The following PIP4K2A variants were observed in gnomAD, a reference collection of about 807,000 sequenced individuals.
PIP4K2A encodes phosphatidylinositol-5-phosphate 4-kinase type 2 alpha, also known as phosphatidylinositol 5-phosphate 4-kinase type-2 alpha.
PIP4K2A carries 14 observed loss-of-function variants against 42.9 expected under a neutral mutation model. The ratio of observed to expected loss-of-function variants is 0.33; its 90% CI spans 0.22 to 0.51. PIP4K2A has a LOEUF of 0.51. PIP4K2A is among the 20% of genes least tolerant of loss of function. PIP4K2A has a pLI of 0.97. For synonymous variants in PIP4K2A, 192 were observed against 192.2 expected, an observed-to-expected ratio of 1.00 and a Z score of 0.01; for missense variants, 434 against 519.8, an observed-to-expected ratio of 0.83 and a Z score of 1.61.
At position 22,539,160 on chromosome 10, in the gene PIP4K2A, G is replaced by T. The variant is rs188464834; in HGVS notation, c.1140+811C>A. ...GCCAGGCAGGAGGTGTTTGCAGGCA[G>T]GGCAAGGGGATGAGCATGAACACAG... On this transcript the variant is annotated intron_variant, in intron 9 of 9. Transcript: ENST00000376573. Among the ~76,000 whole-genome samples, 8 of 152,298 alleles carry T rather than the reference G, an allele frequency of 5.3e-5. No individual in the cohort carries two copies. The East Asian group carries it at 1.5e-3, about 29-fold the overall frequency.
At chr10:22,626,518 C>T (rs1438835514) in intron 1 of PIP4K2A, among the ~76,000 whole-genome samples, 2 of 152,188 alleles carry the variant, frequency 1.3e-5, no homozygotes, top group African/African-American at 4.8e-5. Context: ...ACATAATTTT[C>T]TTTTGTGCCT....
At chr10:22,577,145 A>G (rs1253038615) in intron 4 of PIP4K2A, among the ~76,000 whole-genome samples, 2 of 151,638 alleles carry the variant, frequency 1.3e-5, no homozygotes, top group Non-Finnish European at 1.5e-5. Context: ...CATCCATCAT[A>G]TGCCTGGTAC....
chr10:22,712,581 A>G lies in PIP4K2A; in HGVS notation c.144+1602T>C, dbSNP rs111849763. 3.3e-5 allele frequency among the ~76,000 whole-genome samples: 5 copies of G among 152,274 alleles called. 1 individual carries two copies. The highest frequency in any genetic ancestry group is 1.2e-4 in the African/African-American group (5 of 41,538). ...AAAGAGCTTAACAAAATTATACATA[A>G]CTCTACATTGTAAACTTATTACTTA... On this transcript the variant is annotated intron_variant, in intron 1 of 9. Transcript: ENST00000376573.
At chr10:22,686,950 C>T (rs144841333) in intron 1 of PIP4K2A, among the ~76,000 whole-genome samples, 6 of 152,260 alleles carry the variant, frequency 3.9e-5, no homozygotes, top group South Asian at 2.1e-4. Context: ...AGCTGAAGAA[C>T]GCGCACATTC....
intron 1 of PIP4K2A, among the ~76,000 whole-genome samples, chr10:22,622,145 G>A (rs542004561): frequency 2.8e-4 from 42 of 152,300 alleles, no homozygotes; most frequent in African/African-American, 9.4e-4. Flanking sequence ...AATAGAAAAC[G>A]AGAAATGTCA....
intron 1 of PIP4K2A, among the ~76,000 whole-genome samples, chr10:22,671,185 C>A (rs1463348602): frequency 6.6e-6 from 1 of 152,124 alleles, no homozygotes; most frequent in African/African-American, 2.4e-5. Context: ...TATACACACA[C>A]ATATATCAGT....
intron 4 of PIP4K2A, among the ~76,000 whole-genome samples, chr10:22,585,453 AG>A (rs1837371204): frequency 1.3e-5 from 2 of 152,182 alleles, no homozygotes; most frequent in Non-Finnish European, 2.9e-5. Flanking sequence ...CTTTGAAATA[AG>A]AAAGTAAATT....
rs1554791609 is a variant in PIP4K2A, at chr10:22,536,725, A to AAAAAAACAAAAAACAAAAC, written c.*475_*476insGTTTTGTTTTTTGTTTTTT. The AAAAAAACAAAAAACAAAAC allele has an allele frequency of 4.8e-5, 6 of 124,102 alleles. No individual in the cohort carries two copies. The highest frequency in any genetic ancestry group is 1.1e-4 in the Non-Finnish European group (6 of 56,022). 7.7% of individuals were successfully genotyped at this position (124,102 alleles called of 1,614,324 possible). On this transcript the variant is annotated 3_prime_UTR_variant, in exon 10 of 10. Coordinates refer to ENST00000376573, the MANE Select transcript of PIP4K2A (RefSeq NM_005028.5). ...ACATCTTTCAACTCCAAAAAAAAAA[A>AAAAAAACAAAAAACAAAAC]AAAAAAAAAAAAACTGATCCACAGT...
At chr10:22,627,762 G>A (rs2182459) in intron 1 of PIP4K2A, among the ~76,000 whole-genome samples, 1 of 152,042 alleles carries the variant, frequency 6.6e-6, no homozygotes, top group Non-Finnish European at 1.5e-5. Context: ...TCAAATTTAA[G>A]AATCCCCATG....
chr10:22,630,094 T>A (rs890533646), intron 1 of PIP4K2A, among the ~76,000 whole-genome samples: 1 of 150,848 alleles, frequency 6.6e-6, no homozygotes, highest in Non-Finnish European at 1.5e-5. Context: ...CCCAGCATGT[T>A]GGGAAGGCCA....
At position 22,627,588 on chromosome 10, in the gene PIP4K2A, T is replaced by TAAAAAAAAAAAAAAAAAA. The variant is rs1564448260; in HGVS notation, c.145-17872_145-17871insTTTTTTTTTTTTTTTTTT. Among the ~76,000 whole-genome samples the TAAAAAAAAAAAAAAAAAA allele has an allele frequency of 2.8e-4, 11 of 38,920 alleles. 1 individual carries two copies. Among genetic ancestry groups the TAAAAAAAAAAAAAAAAAA allele is most frequent in the South Asian group, 2.1e-3 (2 of 934 alleles). The allele number at this position is 38,920 out of a possible 152,430, so 25.5% of individuals were successfully genotyped here. ...ATTTGTTTAACCAAAAGCTAATATG[T>TAAAAAAAAAAAAAAAAAA]AATAAAAAAAAAAAAAAAAAAAAAA... On this transcript the variant is annotated intron_variant, in intron 1 of 9. Transcript: ENST00000376573.
In PIP4K2A at chr10:22,550,755, A is replaced by G; in HGVS notation, c.696T>C (p.Thr232=). Residue 232 remains threonine, a synonymous_variant, in exon 7 of 10, where the codon ACT becomes ACC. Coordinates refer to ENST00000376573, the MANE Select transcript of PIP4K2A (RefSeq NM_005028.5). The part of the protein sequence containing the change: ...SDKEKAKELP[T]LKDNDFINEG... ...CATTAATGAAATCATTATCTTTCAG[A>G]GTTGGCAGTTCTTTGGCCTAAAACA... 2.5e-6 allele frequency: 4 copies of G among 1,601,148 alleles called. No individual in the cohort carries two copies. The highest frequency in any genetic ancestry group is 3.4e-6 in the Non-Finnish European group (4 of 1,168,116).
chr10:22,614,626 A>G (rs1220770894), intron 1 of PIP4K2A, among the ~76,000 whole-genome samples: 1 of 152,116 alleles, frequency 6.6e-6, no homozygotes, highest in Admixed American at 6.5e-5. Flanking sequence ...TTAGTAAACT[A>G]TTTTTTCAAT....
chr10:22,563,508 T>C (rs1317263301), intron 6 of PIP4K2A, among the ~76,000 whole-genome samples: 1 of 152,246 alleles, frequency 6.6e-6, no homozygotes, highest in Non-Finnish European at 1.5e-5. Context: ...GAATCAACTG[T>C]TTCAGCACCA....
intron 1 of PIP4K2A, among the ~76,000 whole-genome samples, chr10:22,636,954 G>A (rs1249728417): frequency 6.6e-6 from 1 of 152,226 alleles, no homozygotes; most frequent in Non-Finnish European, 1.5e-5. Context: ...CTGCAGCCAC[G>A]TGAGTGAGAC....
intron 1 of PIP4K2A, among the ~76,000 whole-genome samples, chr10:22,627,588 T>TAAAAAAAAAAAAAAAAAAAAAAAA (rs1564448260): frequency 1.5e-4 from 6 of 38,922 alleles, no homozygotes; most frequent in Admixed American, 4.3e-4. Flanking sequence ...AGCTAATATG[T>TAAAAAAAAAAAAAAAAAAAAAAAA]AATAAAAAAA....
intron 3 of PIP4K2A, among the ~76,000 whole-genome samples, chr10:22,596,734 G>A (rs1837643651): frequency 6.6e-6 from 1 of 152,230 alleles, no homozygotes; most frequent in Admixed American, 6.5e-5. Context: ...AAGCAACCTT[G>A]GAGATGATTC....
chr10:22,622,569 C>A (rs992114250), intron 1 of PIP4K2A, among the ~76,000 whole-genome samples: 1 of 152,210 alleles, frequency 6.6e-6, no homozygotes, highest in African/African-American at 2.4e-5. Flanking sequence ...CCCATTCTGG[C>A]GGAAAGGCCC....
intron 7 of PIP4K2A, among the ~76,000 whole-genome samples, chr10:22,549,824 G>A (rs1470448783): frequency 1.2e-5 from 1 of 86,696 alleles, no homozygotes; most frequent in African/African-American, 4.5e-5. Flanking sequence ...CTAGAAGACA[G>A]TGAGAATCCA....
Sources: gnomAD v4.1 joint callset for allele counts (sites outside exome capture counted in the v4.1 genomes callset) on GRCh38, gnomAD v4.1.1 for gene constraint, MANE v1.5 for transcripts, NCBI Gene and HGNC (gene_info 2026-07-23, HGNC 2026-07-21) for gene names.